Variants in ST6GALNAC5 observed in about 807,000 individuals in gnomAD.
The protein encoded by ST6GALNAC5 is alpha-N-acetylgalactosaminide alpha-2,6-sialyltransferase 5.
Under a neutral mutation model 33.6 loss-of-function variants are expected in ST6GALNAC5, and 27 were observed. The ratio of observed to expected loss-of-function variants is 0.80; its 90% confidence interval spans 0.59 to 1.11. The LOEUF is 1.11. Among genes scored for constraint, ST6GALNAC5 ranks in the 50% least tolerant of loss-of-function variants. The pLI is 0.00. For synonymous variants in ST6GALNAC5, 194 were observed against 171.2 expected (o/e 1.13, Z -1.04); for missense variants, 428 against 454.0 (o/e 0.94, Z 0.52).
intron 2 of ST6GALNAC5, among the ~76,000 whole-genome samples, chr1:76,889,406 C>T (rs1159962815): frequency 2.0e-5 from 3 of 152,082 alleles, no homozygotes; most frequent in African/African-American, 7.2e-5. Context: ...TTTCCATCAT[C>T]CTTCTTCTTG....
chr1:76,973,455 A>G (rs1000748159), intron 2 of ST6GALNAC5, among the ~76,000 whole-genome samples: 6 of 151,606 alleles, frequency 4.0e-5, no homozygotes, highest in African/African-American at 1.5e-4. Flanking sequence ...TATTCAGGCA[A>G]GTAATTGGCC....
intron 2 of ST6GALNAC5, among the ~76,000 whole-genome samples, chr1:77,030,997 G>T (rs1651430883): frequency 3.3e-5 from 5 of 152,154 alleles, no homozygotes; most frequent in Admixed American, 3.3e-4. Context: ...TAAACAGTAG[G>T]TGCTTAATAA....
At chr1:76,891,968 A>G (rs1302044543) in intron 2 of ST6GALNAC5, among the ~76,000 whole-genome samples, 1 of 152,210 alleles carries the variant, frequency 6.6e-6, no homozygotes, top group African/African-American at 2.4e-5. Context: ...TAAGACTAGC[A>G]TGGAAATGAT....
At position 77,065,520 on chromosome 1, in the gene ST6GALNAC5, G is replaced by T. The variant is rs1377370679; in HGVS notation, c.*2314G>T. 1 of 152,122 alleles carries T rather than the reference G, an allele frequency of 6.6e-6. No homozygotes were observed. Among genetic ancestry groups the T allele is most frequent in the Non-Finnish European group, 1.5e-5 (1 of 68,028 alleles). 9.4% of individuals were successfully genotyped at this position (152,122 alleles called of 1,614,324 possible). A position where few individuals can be genotyped will look rare whatever the true frequency, so the allele number is the denominator to read the frequency against. On this transcript the variant is annotated 3_prime_UTR_variant, in exon 5 of 5. Transcript: ENST00000477717. ...TGATTTCATATTTTTTAAAAATGTG[G>T]TGTAAATAAGTGTAAAAAATTACCA...
chr1:76,980,082 TTAA>T (rs1490865074), intron 2 of ST6GALNAC5, among the ~76,000 whole-genome samples: 1 of 152,114 alleles, frequency 6.6e-6, no homozygotes, highest in Non-Finnish European at 1.5e-5. Flanking sequence ...ATTTTATTTA[TTAA>T]TAATTTATTA....
chr1:77,050,535 A>T (rs1652185456), intron 4 of ST6GALNAC5, among the ~76,000 whole-genome samples, 170 bp downstream of exon 4: 1 of 152,264 alleles, frequency 6.6e-6, no homozygotes, highest in South Asian at 2.1e-4. Flanking sequence ...ATTATGTTAT[A>T]TAAAATATTG....
rs1570692994 is a variant in ST6GALNAC5, at chr1:76,941,989, G to A, written c.261+73247G>A. 2.6e-5 allele frequency among the ~76,000 whole-genome samples: 4 copies of A among 152,254 alleles called. No individual in the cohort carries two copies. In the South Asian group the frequency reaches 8.3e-4, roughly 32 times the overall value. ...TCTGAAAAACACTAGTTGTGTGGGTGAAGAGATAGGCGGGCCTTAAATGGC... is the reference window on the plus strand; with the variant it reads ...TCTGAAAAACACTAGTTGTGTGGGTAAAGAGATAGGCGGGCCTTAAATGGC... On this transcript the variant is annotated intron_variant, in intron 2 of 4. Coordinates refer to ENST00000477717, the MANE Select transcript of ST6GALNAC5 (RefSeq NM_030965.3).
chr1:77,015,158 A>G (rs1239592493), intron 2 of ST6GALNAC5, among the ~76,000 whole-genome samples: 5 of 152,062 alleles, frequency 3.3e-5, no homozygotes, highest in Non-Finnish European at 4.4e-5. Context: ...AGCAGATTGC[A>G]AGCTGGGGAC....
Position 77,030,489 on chromosome 1 carries a change from T to G in ST6GALNAC5, c.262-13715T>G, listed in dbSNP as rs142895253. 4.7e-3 allele frequency among the ~76,000 whole-genome samples: 718 copies of G among 152,332 alleles called. 7 individuals are homozygous for G. Among genetic ancestry groups the G allele is most frequent in the African/African-American group, 0.017 (695 of 41,580 alleles). On this transcript the variant is annotated intron_variant, in intron 2 of 4. Coordinates refer to ENST00000477717, the MANE Select transcript of ST6GALNAC5 (RefSeq NM_030965.3). ...GTCATTATGACTGTTATTTTGGCAG[T>G]TGGACCTGGTTTTTATTGTCGTCGT...
intron 2 of ST6GALNAC5, among the ~76,000 whole-genome samples, chr1:76,889,186 C>A (rs1028575142): frequency 1.3e-5 from 2 of 151,990 alleles, no homozygotes; most frequent in African/African-American, 4.8e-5. Context: ...ATTCAAGGAC[C>A]TTAGCATTTT....
At chr1:76,976,044 G>T (rs1648998176) in intron 2 of ST6GALNAC5, among the ~76,000 whole-genome samples, 1 of 152,116 alleles carries the variant, frequency 6.6e-6, no homozygotes, top group African/African-American at 2.4e-5. Flanking sequence ...GCAGTGAGTT[G>T]AGATTGCACC....
At chr1:76,889,985 A>G (rs139727855) in intron 2 of ST6GALNAC5, among the ~76,000 whole-genome samples, 1 of 152,288 alleles carries the variant, frequency 6.6e-6, no homozygotes, top group African/African-American at 2.4e-5. Context: ...TTGTTCAAAT[A>G]AACATATTTT....
chr1:77,006,751 C>A (rs746310308), intron 2 of ST6GALNAC5, among the ~76,000 whole-genome samples: 12 of 152,176 alleles, frequency 7.9e-5, no homozygotes, highest in Non-Finnish European at 1.3e-4. Context: ...CAACAACAAC[C>A]ATTTATTTAG....
chr1:76,939,412 G>A (rs1647272323), intron 2 of ST6GALNAC5, among the ~76,000 whole-genome samples: 1 of 151,968 alleles, frequency 6.6e-6, no homozygotes, highest in Admixed American at 6.6e-5. Flanking sequence ...GCAAAATCAG[G>A]ACCCACTGTC....
At position 76,889,421 on chromosome 1, in the gene ST6GALNAC5, A is replaced by G. The variant is rs571174678; in HGVS notation, c.261+20679A>G. ...TTTCCATCATCCTTCTTCTTGAAAT[A>G]TAATTTTTAAAAGGTCCATTGAAGA... On this transcript the variant is annotated intron_variant, in intron 2 of 4. Coordinates refer to ENST00000477717, the MANE Select transcript of ST6GALNAC5 (RefSeq NM_030965.3). 8.5e-5 allele frequency among the ~76,000 whole-genome samples: 13 copies of G among 152,242 alleles called. No individual in the cohort carries two copies. In the South Asian group the frequency reaches 2.5e-3, roughly 29 times the overall value.
intron 2 of ST6GALNAC5, among the ~76,000 whole-genome samples, chr1:76,935,720 T>C (rs1647195183): frequency 6.6e-6 from 1 of 152,056 alleles, no homozygotes; most frequent in South Asian, 2.1e-4. Flanking sequence ...GGCCCTAGCA[T>C]TTATAGAAAA....
At chr1:76,944,015 C>G (rs1647424519) in intron 2 of ST6GALNAC5, among the ~76,000 whole-genome samples, 1 of 151,994 alleles carries the variant, frequency 6.6e-6, no homozygotes, top group Admixed American at 6.6e-5. Context: ...GTGATCATGT[C>G]CTGATGAACA....
At chr1:77,060,005 C>T (rs182982544) in intron 4 of ST6GALNAC5, 3 of 152,200 alleles carry the variant, frequency 2.0e-5, no homozygotes, top group Admixed American at 6.5e-5. Flanking sequence ...CCAAGTCATC[C>T]GAAGCAGAGT....
At chr1:77,040,332 C>CT (rs1557770990) in intron 2 of ST6GALNAC5, among the ~76,000 whole-genome samples, 1 of 152,194 alleles carries the variant, frequency 6.6e-6, no homozygotes, top group African/African-American at 2.4e-5. Context: ...AGACTTCGAT[C>CT]TTTTTTGCAT....
Sources: allele counts gnomAD v4.1 joint callset (sites outside exome capture counted in the v4.1 genomes callset), GRCh38; gene constraint gnomAD v4.1.1; transcripts MANE v1.5; gene names NCBI Gene and HGNC (gene_info 2026-07-23, HGNC 2026-07-21).